The following HERC2 variants were observed in gnomAD, a reference collection of about 807,000 sequenced individuals.
HERC2 encodes the protein E3 ubiquitin-protein ligase HERC2.
In HERC2, 102 loss-of-function variants were observed where a neutral mutation model predicts 537.7. The ratio of observed to expected loss-of-function variants is 0.19; its 90% CI spans 0.16 to 0.22. The LOEUF is 0.22. Among genes scored for constraint, HERC2 ranks in the 10% least tolerant of loss-of-function variants. HERC2 has a pLI of 1.00. For missense variants in HERC2, 4,236 were observed against 6,198.2 expected (o/e 0.68, Z 10.63); for synonymous variants, 2,224 against 2,466.2 (o/e 0.90, Z 2.91).
chr15:28,156,201 C>T (rs1892993309), intron 69 of HERC2, among the ~76,000 whole-genome samples: 1 of 152,166 alleles, frequency 6.6e-6, no homozygotes, highest in Non-Finnish European at 1.5e-5. Context: ...TAGCGTGATG[C>T]CTCCAGCTTT....
At chr15:28,273,272 A>T in intron 7 of HERC2, 1 of 500,722 alleles carries the variant, frequency 2.0e-6, no homozygotes, top group Non-Finnish European at 3.5e-6. Flanking sequence ...GCATAAAATA[A>T]TTTATCTCAT....
intron 4 of HERC2, among the ~76,000 whole-genome samples, chr15:28,283,902 C>T (rs1442382030): frequency 6.6e-6 from 1 of 152,114 alleles, no homozygotes; most frequent in Non-Finnish European, 1.5e-5. Flanking sequence ...CTCAGGAGCA[C>T]AAGTGTTCCA....
rs1242934468 is a variant in HERC2 at position 28,142,343 on chromosome 15, A to G, written c.11595T>C (p.Cys3865=). Reference sequence around the variant, plus strand: ...ACCAGGCCCACTTGTGCGTCTCGGCACAGCAAGGCAGAGTGTCCAGCTCCA... The same window carrying G: ...ACCAGGCCCACTTGTGCGTCTCGGCGCAGCAAGGCAGAGTGTCCAGCTCCA... The part of the protein sequence containing the change: ...CDLELDTLPC[C]AETHKWAWFR... The change falls in exon 76 of 93, where the codon TGT becomes TGC. Residue 3865 remains cysteine (C), a synonymous_variant. Coordinates refer to ENST00000261609, the MANE Select transcript of HERC2 (RefSeq NM_004667.6). 1 of 1,614,162 alleles carries G rather than the reference A, an allele frequency of 6.2e-7. No individual in the cohort carries two copies. The highest frequency in any genetic ancestry group is 1.3e-5 in the African/African-American group (1 of 75,068).
In HERC2 at chr15:28,211,058, T is replaced by C. The variant is rs369997607; in HGVS notation, c.7013A>G (p.Lys2338Arg). The C allele has an allele frequency of 2.5e-6, 4 of 1,611,578 alleles. No individual in the cohort carries two copies. The African/African-American group carries it at 4.0e-5, about 16-fold the overall frequency. Residue 2338 changes from lysine to arginine, a missense_variant, in exon 44 of 93, where the codon AAA becomes AGA. Lys to Arg is a conservative substitution (Grantham distance 26, BLOSUM62 2). This residue lies in a region of HERC2 where 67 missense variants were observed against 140.1 expected (regional missense o/e 0.48). Coordinates refer to ENST00000261609, the MANE Select transcript of HERC2 (RefSeq NM_004667.6). ...AGRALLSHQD[K>R]LRQILSQPAV... ...TGGCTGAGACAGGATCTGCCGCAGT[T>C]TATCCTGGTGGGAGAGCAGCGCCCG...
intron 71 of HERC2, 46 bp from the exon 72 acceptor site, chr15:28,144,850 C>T: frequency 6.2e-7 from 1 of 1,612,154 alleles, no homozygotes; most frequent in Non-Finnish European, 8.5e-7. Context: ...CTCCATCATC[C>T]AATCAACACA....
In HERC2 at chr15:28,113,549, A is replaced by G; in HGVS notation, c.14019+24T>C. ...AGCAGGCAAAAGGCAGCTGCAGGGC[A>G]GCCCCACCTGGGGGTCGGCATACCA... On this transcript the variant is annotated intron_variant, in intron 91 of 92. Transcript: ENST00000261609. The surrounding 1 kb of genome is among the most constrained non-coding windows in gnomAD (Gnocchi z 7.0). 6.3e-7 allele frequency: 1 copy of G among 1,597,754 alleles called. No individual in the cohort carries two copies. The highest frequency in any genetic ancestry group is 1.7e-5 in the Admixed American group (1 of 59,980).
intron 87 of HERC2, 74 bp downstream of exon 87, chr15:28,116,939 G>C (rs1383674375): frequency 6.2e-7 from 1 of 1,611,020 alleles, no homozygotes; most frequent in African/African-American, 1.3e-5. Flanking sequence ...ACACCATGTG[G>C]CCTCTGTGCT....
intron 66 of HERC2, among the ~76,000 whole-genome samples, chr15:28,168,970 G>A (rs1039283855): frequency 2.0e-5 from 3 of 152,214 alleles, no homozygotes; most frequent in African/African-American, 2.4e-5. Context: ...GAGCAGCAAC[G>A]ACTCAATGGC....
At position 28,273,007 on chromosome 15, in the gene HERC2, G is replaced by T; in HGVS notation, c.801-3C>A. 1 of 1,610,372 alleles carries T rather than the reference G, an allele frequency of 6.2e-7. No individual in the cohort carries two copies. The highest frequency in any genetic ancestry group is 8.5e-7 in the Non-Finnish European group (1 of 1,178,192). On this transcript the variant is annotated splice_region_variant and splice_polypyrimidine_tract_variant and intron_variant, in intron 7 of 92. Transcript: ENST00000261609. Reference sequence around the variant, plus strand: ...TGGCTGGCGTTCCGTGAACATCCCTGAAATGAAAGCAGTGGATGCAGGAAC... The same window carrying T: ...TGGCTGGCGTTCCGTGAACATCCCTTAAATGAAAGCAGTGGATGCAGGAAC...
Position 28,113,366 on chromosome 15 carries a change from C to A in HERC2, c.14020-83G>T. ...GACTCCGTCACGCTCCCTCTCTACA[C>A]CAAGGCCTGTTTGGGGTGGGGAAAG... is the stretch of plus-strand genomic sequence containing the variant. On this transcript the variant is annotated intron_variant, in intron 91 of 92. Transcript: ENST00000261609. The surrounding 1 kb of genome is among the most constrained non-coding windows in gnomAD (Gnocchi z 7.0). The A allele has an allele frequency of 7.0e-7, 1 of 1,423,844 alleles. No individual in the cohort carries two copies. Among genetic ancestry groups the A allele is most frequent in the South Asian group, 1.2e-5 (1 of 83,254 alleles). The allele number at this position is 1,423,844 out of a possible 1,614,324, so 88.2% of individuals were successfully genotyped here.
In HERC2 at chr15:28,168,372, T is replaced by C. The variant is rs1179328352; in HGVS notation, c.10413+35A>G. ...TAGACACAAAGTAGCCACCTTTTCCTTTCTGATCTAACATTGCTTTAGATT... is the reference window on the plus strand; with the variant it reads ...TAGACACAAAGTAGCCACCTTTTCCCTTCTGATCTAACATTGCTTTAGATT... On this transcript the variant is annotated intron_variant, in intron 67 of 92. Transcript: ENST00000261609. The C allele has an allele frequency of 3.8e-6, 6 of 1,596,332 alleles. No homozygotes were observed. In the South Asian group the frequency reaches 6.8e-5, roughly 18 times the overall value.
chr15:28,200,642 T>A lies in HERC2; in HGVS notation c.7716+814A>T, dbSNP rs191094895. On this transcript the variant is annotated intron_variant, in intron 48 of 92. Transcript: ENST00000261609. ...AACCAAATGTAGATAAGGCATACAA[T>A]CTTGGTTGTATCCAAGTTCAAAAAC... is the stretch of plus-strand genomic sequence containing the variant. 4.9e-3 allele frequency among the ~76,000 whole-genome samples: 749 copies of A among 152,300 alleles called. 25 individuals are homozygous for A. Among genetic ancestry groups the A allele is most frequent in the Admixed American group, 0.043 (661 of 15,294 alleles).
intron 70 of HERC2, among the ~76,000 whole-genome samples, chr15:28,149,263 G>A (rs377680353): frequency 2.5e-4 from 37 of 146,158 alleles, no homozygotes; most frequent in African/African-American, 6.6e-4. Context: ...ACACGAACAC[G>A]TGTTCTAGTA....
At chr15:28,170,088 G>A (rs1482229919) in intron 65 of HERC2, among the ~76,000 whole-genome samples, 3 of 152,198 alleles carry the variant, frequency 2.0e-5, no homozygotes, top group Non-Finnish European at 4.4e-5. Context: ...CAGAAGGAGG[G>A]AGCCAAGTAG....
intron 18 of HERC2, 46 bp from the exon 19 acceptor site, chr15:28,256,042 C>G: frequency 6.2e-7 from 1 of 1,604,836 alleles, no homozygotes; most frequent in Non-Finnish European, 8.5e-7. Flanking sequence ...GCCATTCCCT[C>G]CCAACACCCT....
At chr15:28,143,750 G>C in intron 74 of HERC2, 123 bp downstream of exon 74, 6 of 1,275,934 alleles carry the variant, frequency 4.7e-6, no homozygotes, top group Non-Finnish European at 5.5e-6. Context: ...CCGGTCCAAG[G>C]CCTCCTTATT....
intron 69 of HERC2, among the ~76,000 whole-genome samples, chr15:28,154,773 T>G (rs546330277): frequency 6.6e-6 from 1 of 152,128 alleles, no homozygotes; most frequent in Non-Finnish European, 1.5e-5. Flanking sequence ...ATATATATAT[T>G]TTTTTATTAT....
intron 78 of HERC2, among the ~76,000 whole-genome samples, chr15:28,138,519 A>G (rs1213445202): frequency 6.6e-6 from 1 of 152,104 alleles, no homozygotes; most frequent in East Asian, 1.9e-4. Context: ...AAAACCTGGA[A>G]GTCAGCACAT....
At chr15:28,269,197 A>G (rs1567095534) in intron 11 of HERC2, 51 bp downstream of exon 11, 2 of 1,491,730 alleles carry the variant, frequency 1.3e-6, no homozygotes, top group Non-Finnish European at 9.2e-7. Flanking sequence ...TCTGTAGGAC[A>G]GACCCTGCCC....
Sources: gnomAD v4.1 joint callset for allele counts (sites outside exome capture counted in the v4.1 genomes callset) on GRCh38, gnomAD v4.1.1 for gene constraint, gnomAD v4.1.1 regional missense constraint, Gnocchi (gnomAD v3.1) non-coding constraint, MANE v1.5 for transcripts, NCBI Gene and HGNC (gene_info 2026-07-23, HGNC 2026-07-21) for gene names.